Variants in RNF14 observed in about 807,000 individuals in gnomAD.
The protein encoded by RNF14 is ring finger protein 14, also known as E3 ubiquitin-protein ligase RNF14.
Under a neutral mutation model 52.6 loss-of-function variants are expected in RNF14, and 26 were observed. The ratio of observed to expected loss-of-function variants is 0.49; its 90% confidence interval spans 0.36 to 0.69. The LOEUF (loss-of-function observed/expected upper bound fraction) is 0.69, where lower values mean the gene tolerates loss of function less well. Ranked by LOEUF, RNF14 falls within the 30% of genes least tolerant of loss-of-function variation. The pLI is 0.00. For synonymous variants in RNF14, 194 were observed against 202.0 expected (o/e 0.96, Z 0.34); for missense variants, 404 against 560.4 (o/e 0.72, Z 2.82).
chr5:141,962,179 T>A (rs1419026517), upstream of RNF14, among the ~76,000 whole-genome samples: 1 of 152,234 alleles, frequency 6.6e-6, no homozygotes, highest in Non-Finnish European at 1.5e-5. Context: ...TTGTGGACTT[T>A]GTTGAGACAG....
At position 141,988,487 on chromosome 5, in the gene RNF14, T is replaced by C. The variant is rs1755423089; in HGVS notation, c.*697T>C. 1 of 152,356 alleles carries C rather than the reference T, an allele frequency of 6.6e-6. No homozygotes were observed. The highest frequency in any genetic ancestry group is 1.5e-5 in the Non-Finnish European group (1 of 68,052). 9.4% of individuals were successfully genotyped at this position (152,356 alleles called of 1,614,324 possible). On this transcript the variant is annotated 3_prime_UTR_variant, in exon 9 of 9. Coordinates refer to ENST00000394520, the MANE Select transcript of RNF14 (RefSeq NM_004290.5). ...CTGGTTTCAGGCCAAATCTAGAATT[T>C]AGTGATACTGGCTCAGAAGAATTTA...
At chr5:141,955,840 C>T, upstream of RNF14, 1 of 1,614,096 alleles carries the variant, frequency 6.2e-7, no homozygotes, top group Non-Finnish European at 8.5e-7. This position sits in a 1 kb window ranked among gnomAD's most constrained non-coding sequence, Gnocchi z 5.5. Context: ...CTCCAGCTCC[C>T]ACTCACTCCC....
upstream of RNF14, chr5:141,955,079 C>G (rs199848714): frequency 1.2e-5 from 19 of 1,614,244 alleles, no homozygotes; most frequent in African/African-American, 2.1e-4. The surrounding 1 kb of genome is among the most constrained non-coding windows in gnomAD (Gnocchi z 5.5). Context: ...GGCCCTGATT[C>G]TTTCTCAGGG....
chr5:141,955,710 C>T (rs1461672174), upstream of RNF14: 2 of 1,614,068 alleles, frequency 1.2e-6, no homozygotes, highest in African/African-American at 2.7e-5. This position sits in a 1 kb window ranked among gnomAD's most constrained non-coding sequence, Gnocchi z 5.5. Flanking sequence ...TCAGCATCGA[C>T]ATGCTCAAGG....
At chr5:141,987,581 C>T in intron 8 of RNF14, 152 bp from the exon 9 acceptor site, 1 of 702,752 alleles carries the variant, frequency 1.4e-6, no homozygotes, top group East Asian at 2.7e-5. Context: ...TTCAGAGGGA[C>T]CCATATTTCA....
the RNF14 span, among the ~76,000 whole-genome samples, chr5:141,951,124 T>C: frequency 6.6e-6 from 1 of 152,178 alleles, no homozygotes; most frequent in East Asian, 1.9e-4. Context: ...TGGGGAGCCT[T>C]CATATTATGT....
the RNF14 span, among the ~76,000 whole-genome samples, chr5:141,951,877 G>A: frequency 6.6e-6 from 1 of 152,218 alleles, no homozygotes; most frequent in African/African-American, 2.4e-5. Context: ...TGCACCTGGT[G>A]GACTCTGAGA....
At chr5:141,972,885 C>G (rs1056470962) in intron 2 of RNF14, among the ~76,000 whole-genome samples, 3 of 152,186 alleles carry the variant, frequency 2.0e-5, no homozygotes, top group African/African-American at 7.2e-5. Flanking sequence ...GCCACCGCGC[C>G]TGGCAAATTA....
At chr5:141,977,545 C>T (rs1405091482) in intron 4 of RNF14, among the ~76,000 whole-genome samples, 1 of 152,222 alleles carries the variant, frequency 6.6e-6, no homozygotes, top group Non-Finnish European at 1.5e-5. Context: ...TCAAATTGAA[C>T]AGACCACTTT....
chr5:141,987,297 C>T (rs1248280587), intron 8 of RNF14, among the ~76,000 whole-genome samples: 2 of 152,110 alleles, frequency 1.3e-5, no homozygotes, highest in Non-Finnish European at 2.9e-5. Flanking sequence ...GGTTGTGGGG[C>T]TTAGGGTATC....
intron 6 of RNF14, among the ~76,000 whole-genome samples, chr5:141,980,941 A>C (rs1309981763): frequency 6.6e-6 from 1 of 152,218 alleles, no homozygotes; most frequent in Non-Finnish European, 1.5e-5. Flanking sequence ...ATCTTCCTCA[A>C]CATGGCACTT....
In RNF14 at chr5:141,978,787, A is replaced by G. The variant is rs568227122; in HGVS notation, c.791A>G (p.Asn264Ser). The G allele has an allele frequency of 6.2e-7, 1 of 1,613,946 alleles. No homozygotes were observed. The highest frequency in any genetic ancestry group is 1.3e-5 in the African/African-American group (1 of 75,038). ...QIRDGQVQCLNCPEPKCPSVA... is the reference protein window; with the variant it reads ...QIRDGQVQCLSCPEPKCPSVA... ...AGAGATGGCCAGGTTCAATGCCTCA[A>G]CTGCCCAGAACCAAAGTGCCCTTCG... Residue 264 changes from asparagine (N) to serine (S), a missense_variant, in exon 5 of 9, where the codon AAC becomes AGC. Asn to Ser is a conservative substitution (Grantham distance 46, BLOSUM62 1). Transcript: ENST00000394520.
chr5:141,985,534 T>G (rs922917162), intron 8 of RNF14, among the ~76,000 whole-genome samples: 1 of 152,214 alleles, frequency 6.6e-6, no homozygotes, highest in Admixed American at 6.5e-5. Context: ...CCCACCTTTT[T>G]TTTGTGTGTG....
rs1755383910 is a variant in RNF14 at position 141,987,846 on chromosome 5, T to C, written c.*56T>C. ...TGTTTTTCCCTAATCTTCCGTCAAGTACACAAAGTAACTTTGCGGGATATT... is the reference window on the plus strand; with the variant it reads ...TGTTTTTCCCTAATCTTCCGTCAAGCACACAAAGTAACTTTGCGGGATATT... On this transcript the variant is annotated 3_prime_UTR_variant, in exon 9 of 9. Transcript: ENST00000394520. The C allele has an allele frequency of 1.3e-6, 2 of 1,510,998 alleles. No individual in the cohort carries two copies. The highest frequency in any genetic ancestry group is 2.3e-5 in the East Asian group (1 of 44,408). The allele number at this position is 1,510,998 out of a possible 1,614,324, so 93.6% of individuals were successfully genotyped here.
upstream of RNF14, chr5:141,958,147 AG>A (rs1753218566): frequency 5.0e-6 from 2 of 396,086 alleles, no homozygotes; most frequent in Non-Finnish European, 9.1e-6. Flanking sequence ...CTGGTCTAAG[AG>A]GGACCTGACC....
chr5:141,957,885 C>T (rs1438132485), upstream of RNF14: 7 of 1,573,870 alleles, frequency 4.4e-6, no homozygotes, highest in Non-Finnish European at 6.0e-6. The surrounding 1 kb of genome is among the most constrained non-coding windows in gnomAD (Gnocchi z 4.3). Context: ...TCAGAAACCA[C>T]TAGAGTTCTT....
chr5:141,984,101 C>CTTT (rs201857998), intron 7 of RNF14, among the ~76,000 whole-genome samples: 39 of 136,648 alleles, frequency 2.9e-4, no homozygotes, highest in Middle Eastern at 3.7e-3. Context: ...TATGTAATCA[C>CTTT]TTTTTTTTTT....
At chr5:141,957,976 C>T (rs936057956), upstream of RNF14, 7 of 1,100,118 alleles carry the variant, frequency 6.4e-6, no homozygotes, top group East Asian at 1.7e-4. This position sits in a 1 kb window ranked among gnomAD's most constrained non-coding sequence, Gnocchi z 4.3. Flanking sequence ...GCCGGCACAA[C>T]CTTGTCCCAT....
At chr5:141,962,612 GACA>G (rs1280516597), upstream of RNF14, among the ~76,000 whole-genome samples, 1 of 152,190 alleles carries the variant, frequency 6.6e-6, no homozygotes, top group African/African-American at 2.4e-5. Context: ...CAATACAGCA[GACA>G]ACAGCAGAGG....
Sources: allele counts gnomAD v4.1 joint callset (sites outside exome capture counted in the v4.1 genomes callset), GRCh38; gene constraint gnomAD v4.1.1; non-coding constraint Gnocchi (gnomAD v3.1); transcripts MANE v1.5; gene names NCBI Gene and HGNC (gene_info 2026-07-23, HGNC 2026-07-21).